The following KSR1 variants were observed in gnomAD, a reference collection of about 807,000 sequenced individuals.
KSR1 encodes the protein kinase suppressor of ras.
A neutral mutation model predicts 92.9 loss-of-function variants in KSR1; 35 were observed. The ratio of observed to expected loss-of-function variants is 0.38; its 90% CI spans 0.29 to 0.50. KSR1 has a LOEUF of 0.50. Among genes scored for constraint, KSR1 ranks in the 20% least tolerant of loss-of-function variants. The pLI, the probability that KSR1 is intolerant of heterozygous loss-of-function variation, is 0.94. For missense variants in KSR1, 972 were observed against 1,158.5 expected, an observed-to-expected ratio of 0.84 and a Z score of 2.34; for synonymous variants, 467 against 472.6, an observed-to-expected ratio of 0.99 and a Z score of 0.15.
At chr17:27,525,066 G>A (rs1017679122) in intron 1 of KSR1, among the ~76,000 whole-genome samples, 40 of 152,196 alleles carry the variant, frequency 2.6e-4, no homozygotes, top group African/African-American at 9.2e-4. Context: ...TCAGTCACCC[G>A]CATCAGTCCT....
chr17:27,608,703 T>G (rs1267622141), intron 15 of KSR1, among the ~76,000 whole-genome samples: 2 of 152,134 alleles, frequency 1.3e-5, no homozygotes, highest in Admixed American at 1.3e-4. Flanking sequence ...CTACTACAGC[T>G]CAGACATTAG....
At chr17:27,539,202 G>A (rs1388650614) in intron 1 of KSR1, among the ~76,000 whole-genome samples, 3 of 152,224 alleles carry the variant, frequency 2.0e-5, no homozygotes, top group African/African-American at 7.2e-5. Context: ...TACCTGTTGT[G>A]ATTGAGGGGT....
At chr17:27,591,776 G>A (rs1337273153) in intron 7 of KSR1, among the ~76,000 whole-genome samples, 2 of 152,184 alleles carry the variant, frequency 1.3e-5, no homozygotes, top group Non-Finnish European at 2.9e-5. Flanking sequence ...TCTGAGCCCA[G>A]GGCTGTCCTG....
chr17:27,472,382 A>C (rs1352304751), intron 1 of KSR1, among the ~76,000 whole-genome samples: 2 of 152,202 alleles, frequency 1.3e-5, no homozygotes, highest in African/African-American at 4.8e-5. Flanking sequence ...AGATGTTGGC[A>C]CCATTTCGTT....
In KSR1 at chr17:27,623,851, T is replaced by G; in HGVS notation, c.*459T>G. Reference sequence around the variant, plus strand: ...GGAGCCCAGAAGGTCTGATCTGGCCTCTGCTTTTTGGCCCAAGACTCCATC... The same window carrying G: ...GGAGCCCAGAAGGTCTGATCTGGCCGCTGCTTTTTGGCCCAAGACTCCATC... On this transcript the variant is annotated 3_prime_UTR_variant, in exon 21 of 21. Transcript: ENST00000644974. The G allele has an allele frequency of 4.1e-6, 2 of 483,164 alleles. No individual in the cohort carries two copies. The highest frequency in any genetic ancestry group is 7.2e-6 in the Non-Finnish European group (2 of 279,668). 29.9% of individuals were successfully genotyped at this position (483,164 alleles called of 1,614,324 possible). A position where few individuals can be genotyped will look rare whatever the true frequency, so the allele number is the denominator to read the frequency against.
intron 1 of KSR1, among the ~76,000 whole-genome samples, chr17:27,528,436 AT>A (rs1233835952): frequency 1.3e-5 from 2 of 152,218 alleles, no homozygotes; most frequent in African/African-American, 4.8e-5. Context: ...TGGATCAGTA[AT>A]TTGTTAAAGG....
At chr17:27,493,547 T>C (rs1050984898) in intron 1 of KSR1, among the ~76,000 whole-genome samples, 3 of 152,254 alleles carry the variant, frequency 2.0e-5, no homozygotes, top group Non-Finnish European at 4.4e-5. Context: ...ATTCCATTTC[T>C]GTCTTGCTTA....
intron 19 of KSR1, among the ~76,000 whole-genome samples, chr17:27,619,460 C>G (rs537075734): frequency 6.6e-6 from 1 of 150,776 alleles, no homozygotes; most frequent in South Asian, 2.1e-4. Flanking sequence ...TGCAGTGGCA[C>G]GATCTCAGCT....
At chr17:27,621,873 G>T in intron 20 of KSR1, 16 of 1,595,926 alleles carry the variant, frequency 1.0e-5, no homozygotes, top group Non-Finnish European at 1.3e-5. Flanking sequence ...GACAGGCTCT[G>T]CATTGGGGCT....
chr17:27,498,673 G>T (rs922850868), intron 1 of KSR1, among the ~76,000 whole-genome samples: 10 of 152,154 alleles, frequency 6.6e-5, no homozygotes, highest in Non-Finnish European at 1.5e-5. Flanking sequence ...GTGAGTCCCA[G>T]CCCTGGCTGC....
intron 2 of KSR1, among the ~76,000 whole-genome samples, chr17:27,561,792 A>C (rs1325359404): frequency 6.6e-6 from 1 of 152,206 alleles, no homozygotes; most frequent in Non-Finnish European, 1.5e-5. Context: ...TGAAATCTGA[A>C]AAATCATGAG....
intron 1 of KSR1, among the ~76,000 whole-genome samples, chr17:27,458,365 T>G (rs2019278872): frequency 6.6e-6 from 1 of 152,136 alleles, no homozygotes; most frequent in African/African-American, 2.4e-5. Flanking sequence ...TGGCAGAGTG[T>G]GCGTGGTTGG....
chr17:27,578,112 G>A, intron 3 of KSR1: 2 of 219,216 alleles, frequency 9.1e-6, no homozygotes, highest in South Asian at 1.1e-4. Flanking sequence ...GGCTGTCCCA[G>A]GCAAAGTGTG....
intron 1 of KSR1, among the ~76,000 whole-genome samples, chr17:27,543,796 G>A (rs560359962): frequency 6.6e-6 from 1 of 152,182 alleles, no homozygotes; most frequent in Non-Finnish European, 1.5e-5. Flanking sequence ...AGGAGGATAG[G>A]ATTGGGTTCC....
At chr17:27,604,786 C>T in intron 13 of KSR1, 58 bp downstream of exon 13, 1 of 1,559,952 alleles carries the variant, frequency 6.4e-7, no homozygotes, top group Admixed American at 1.7e-5. Context: ...CCTTCCCCAT[C>T]TCAGAATGCG....
At chr17:27,484,523 C>G (rs1015101776) in intron 1 of KSR1, among the ~76,000 whole-genome samples, 2 of 152,180 alleles carry the variant, frequency 1.3e-5, no homozygotes, top group Admixed American at 6.5e-5. Context: ...TACCTGACCC[C>G]GTTGTTATTT....
At chr17:27,470,195 A>G (rs1476462519) in intron 1 of KSR1, among the ~76,000 whole-genome samples, 40 of 149,816 alleles carry the variant, frequency 2.7e-4, no homozygotes, top group Non-Finnish European at 5.5e-4. Flanking sequence ...AGCTGGGATT[A>G]CAGGTGCACA....
At chr17:27,621,786 A>G (rs2074230358) in intron 20 of KSR1, 5 of 704,146 alleles carry the variant, frequency 7.1e-6, no homozygotes, top group Admixed American at 2.5e-5. Context: ...TGGGGGATGG[A>G]GTCCAGGATG....
chr17:27,496,912 GT>G (rs1375429996), intron 1 of KSR1, among the ~76,000 whole-genome samples: 1 of 152,230 alleles, frequency 6.6e-6, no homozygotes, highest in Non-Finnish European at 1.5e-5. Context: ...GGGCCAGCAG[GT>G]TAGAACTCTG....
Sources: gnomAD v4.1 joint callset for allele counts (sites outside exome capture counted in the v4.1 genomes callset) on GRCh38, gnomAD v4.1.1 for gene constraint, MANE v1.5 for transcripts, NCBI Gene and HGNC (gene_info 2026-07-23, HGNC 2026-07-21) for gene names.